KLHL4: variants seen among roughly 807,000 people sequenced by gnomAD.
KLHL4 encodes kelch like family member 4, also known as kelch-like protein 4.
In KLHL4, 17 loss-of-function variants were observed where a neutral mutation model predicts 45.8. The ratio of observed to expected loss-of-function variants is 0.37; its 90% confidence interval spans 0.25 to 0.56. The LOEUF is 0.56. Among genes scored for constraint, KLHL4 ranks in the 20% least tolerant of loss-of-function variants. KLHL4 has a pLI of 0.79. For missense variants in KLHL4, 544 were observed against 544.9 expected, an observed-to-expected ratio of 1.00 and a Z score of 0.02; for synonymous variants, 224 against 189.9, an observed-to-expected ratio of 1.18 and a Z score of -1.47.
chrX:87,606,625 G>A (rs1251607648), intron 1 of KLHL4, among the ~76,000 whole-genome samples: 1 of 110,412 alleles, frequency 9.1e-6, no homozygotes, highest in Non-Finnish European at 1.9e-5. Flanking sequence ...TAAATTCCTA[G>A]ACACATGCAC....
chrX:87,654,431 A>G (rs186533571), intron 9 of KLHL4, among the ~76,000 whole-genome samples: 2 of 111,513 alleles, frequency 1.8e-5, no homozygotes, highest in Admixed American at 9.5e-5. Context: ...TTTGTTTAAG[A>G]CATGATTATT....
chrX:87,584,874 A>G (rs1356699688), intron 1 of KLHL4, among the ~76,000 whole-genome samples: 1 of 102,890 alleles, frequency 9.7e-6, no homozygotes, highest in Non-Finnish European at 2.0e-5. Flanking sequence ...AAAAAAAAAA[A>G]GTTATAGAAC....
intron 1 of KLHL4, among the ~76,000 whole-genome samples, chrX:87,519,156 A>C (rs1487951077): frequency 1.8e-5 from 2 of 111,963 alleles, no homozygotes; most frequent in African/African-American, 6.5e-5. Context: ...CTTTTTCACT[A>C]TCAGACATTT....
chrX:87,611,291 A>G (rs978249732), intron 1 of KLHL4, among the ~76,000 whole-genome samples: 1 of 111,325 alleles, frequency 9.0e-6, no homozygotes, highest in Non-Finnish European at 1.9e-5. Flanking sequence ...TCAAGTGTTA[A>G]CATCTTAGTG....
chrX:87,642,288 A>G (rs1211355127), intron 9 of KLHL4, among the ~76,000 whole-genome samples: 1 of 111,398 alleles, frequency 9.0e-6, no homozygotes, highest in Admixed American at 9.5e-5. Flanking sequence ...CAGAATAGAG[A>G]CAACAATCAC....
intron 9 of KLHL4, among the ~76,000 whole-genome samples, chrX:87,636,621 G>A (rs1162365270): frequency 9.0e-6 from 1 of 111,009 alleles, no homozygotes; most frequent in Non-Finnish European, 1.9e-5. Context: ...GCTAGGTTCT[G>A]TTGAGCGAGG....
intron 1 of KLHL4, among the ~76,000 whole-genome samples, chrX:87,526,952 T>A (rs1230952252): frequency 1.8e-5 from 2 of 111,797 alleles, no homozygotes; most frequent in Non-Finnish European, 3.8e-5. Flanking sequence ...TTCCTCAGGT[T>A]CTCAAAAAGT....
chrX:87,602,676 G>T (rs746322654), intron 1 of KLHL4, among the ~76,000 whole-genome samples: 9 of 111,272 alleles, frequency 8.1e-5, no homozygotes, highest in Non-Finnish European at 1.7e-4. Flanking sequence ...ATTGCCTATT[G>T]ATGCGTTTTT....
chrX:87,531,887 C>T (rs1931291322), intron 1 of KLHL4, among the ~76,000 whole-genome samples: 2 of 97,628 alleles, frequency 2.0e-5, no homozygotes, highest in South Asian at 5.4e-4. Flanking sequence ...GAATCAATAT[C>T]ATGAAAATGG....
chrX:87,640,118 T>C (rs760147858), intron 9 of KLHL4, among the ~76,000 whole-genome samples: 13 of 110,427 alleles, frequency 1.2e-4, no homozygotes, highest in Non-Finnish European at 2.5e-4. Flanking sequence ...CCTAGAAATA[T>C]ACAACCATCC....
chrX:87,609,221 T>C (rs1384039585), intron 1 of KLHL4, among the ~76,000 whole-genome samples: 1 of 112,127 alleles, frequency 8.9e-6, no homozygotes, highest in Non-Finnish European at 1.9e-5. Context: ...AATAAACATA[T>C]GTGTGCATGT....
chrX:87,574,096 C>G (rs1921017002), intron 1 of KLHL4, among the ~76,000 whole-genome samples: 1 of 111,848 alleles, frequency 8.9e-6, no homozygotes, highest in African/African-American at 3.2e-5. Context: ...AAGCATTTAA[C>G]TTCCTATTTG....
chrX:87,532,547 T>TG (rs1265506879), intron 1 of KLHL4, among the ~76,000 whole-genome samples: 1 of 104,530 alleles, frequency 9.6e-6, no homozygotes, highest in Non-Finnish European at 2.0e-5. Context: ...TTCACGATAT[T>TG]GATTCTTCCT....
intron 1 of KLHL4, among the ~76,000 whole-genome samples, chrX:87,565,108 T>C (rs1602419295): frequency 8.9e-6 from 1 of 111,999 alleles, no homozygotes; most frequent in East Asian, 2.8e-4. Flanking sequence ...TTAGAAAATA[T>C]TTCCAGCTGA....
At chrX:87,576,075 G>C (rs1351537137) in intron 1 of KLHL4, among the ~76,000 whole-genome samples, 1 of 111,209 alleles carries the variant, frequency 9.0e-6, no homozygotes. Flanking sequence ...AAAAATTGGA[G>C]TCTGCCCCTC....
chrX:87,652,796 AT>A (rs762432275), intron 9 of KLHL4, among the ~76,000 whole-genome samples: 9 of 111,533 alleles, frequency 8.1e-5, no homozygotes, highest in Middle Eastern at 4.6e-3. Flanking sequence ...TCACTTCCAC[AT>A]TTTCAGATAT....
chrX:87,602,322 G>T (rs1922044743), intron 1 of KLHL4, among the ~76,000 whole-genome samples: 1 of 111,176 alleles, frequency 9.0e-6, no homozygotes, highest in South Asian at 3.8e-4. Flanking sequence ...GTACAGTAAT[G>T]TTCAGTAATG....
chrX:87,562,126 A>G (rs1602417939), intron 1 of KLHL4, among the ~76,000 whole-genome samples: 1 of 109,109 alleles, frequency 9.2e-6, no homozygotes, highest in East Asian at 3.0e-4. Context: ...GAGAGGGAAG[A>G]AAAAAGGGAC....
chrX:87,556,461 G>A (rs1931975949), intron 1 of KLHL4, among the ~76,000 whole-genome samples: 1 of 107,403 alleles, frequency 9.3e-6, no homozygotes, highest in Admixed American at 1.0e-4. Context: ...ACTCATAGGT[G>A]GGAATTGAAC....
Sources: allele counts gnomAD v4.1 joint callset (sites outside exome capture counted in the v4.1 genomes callset), GRCh38; gene constraint gnomAD v4.1.1; transcripts MANE v1.5; gene names NCBI Gene and HGNC (gene_info 2026-07-23, HGNC 2026-07-21).